Variants in ANO4 observed in about 807,000 individuals in gnomAD.
ANO4 encodes the protein anoctamin-4.
In ANO4, 69 loss-of-function variants were observed where a neutral mutation model predicts 141.9. The observed-to-expected ratio is 0.49, with a 90% confidence interval of 0.40 to 0.59. ANO4 has a LOEUF of 0.59. ANO4 is among the 20% of genes least tolerant of loss of function. ANO4 has a pLI of 0.00. For missense variants in ANO4, 894 were observed against 1,162.2 expected (o/e 0.77, Z 3.36); for synonymous variants, 350 against 394.3 (o/e 0.89, Z 1.33).
Position 100,902,768 on chromosome 12 carries a change from T to C in ANO4, c.55+928T>C, listed in dbSNP as rs188443917. Among the ~76,000 whole-genome samples, 105 of 152,334 alleles carry C rather than the reference T, an allele frequency of 6.9e-4. 1 individual carries two copies. The East Asian group carries it at 0.016, about 24-fold the overall frequency. On this transcript the variant is annotated intron_variant, in intron 2 of 27. Transcript: ENST00000392977. Reference sequence around the variant, plus strand: ...AGGTCCCTTATCCTCTCTCTTCAAATGTATTGCTCTTTATGCATCATTCCC... The same window carrying C: ...AGGTCCCTTATCCTCTCTCTTCAAACGTATTGCTCTTTATGCATCATTCCC...
chr12:101,086,512 A>G, intron 16 of ANO4, 148 bp from the exon 17 acceptor site: 2 of 811,720 alleles, frequency 2.5e-6, no homozygotes, highest in Non-Finnish European at 3.9e-6. Flanking sequence ...ATTAACCACA[A>G]TGAAAAGTAT....
intron 22 of ANO4, among the ~76,000 whole-genome samples, chr12:101,102,182 G>A (rs146579018): frequency 2.5e-3 from 376 of 152,106 alleles, no homozygotes; most frequent in East Asian, 5.2e-3. Flanking sequence ...ATACCTTTAC[G>A]GCATTTTTGT....
intron 1 of ANO4, among the ~76,000 whole-genome samples, chr12:100,801,744 G>C (rs2034707189): frequency 6.6e-6 from 1 of 150,900 alleles, no homozygotes; most frequent in Non-Finnish European, 1.5e-5. Context: ...TGGAGCAGGG[G>C]CTGGGGGGTG....
chr12:100,727,035 C>T (rs1427250619), intron 1 of ANO4, among the ~76,000 whole-genome samples: 3 of 144,162 alleles, frequency 2.1e-5, no homozygotes, highest in Non-Finnish European at 3.0e-5. Context: ...AAAAACATGG[C>T]CTGTAATGAT....
At chr12:100,941,906 C>T (rs1052369546) in intron 4 of ANO4, among the ~76,000 whole-genome samples, 1 of 150,820 alleles carries the variant, frequency 6.6e-6, no homozygotes, top group Admixed American at 6.6e-5. Flanking sequence ...ATTTTGTTTC[C>T]TCTTGATTAC....
intron 1 of ANO4, among the ~76,000 whole-genome samples, chr12:100,835,066 T>TGGTCTATTGTCTAAGAG (rs2036835267): frequency 6.6e-6 from 1 of 152,078 alleles, no homozygotes; most frequent in South Asian, 2.1e-4. Context: ...CCAATGGCCT[T>TGGTCTATTGTCTAAGAG]GTGGTCTAAG....
chr12:100,843,488 G>T (rs997267737), intron 1 of ANO4, among the ~76,000 whole-genome samples: 1 of 151,888 alleles, frequency 6.6e-6, no homozygotes, highest in Non-Finnish European at 1.5e-5. Flanking sequence ...TCAACTTCTC[G>T]CCCCAAACTT....
chr12:101,100,987 G>A (rs1428470080), intron 22 of ANO4, among the ~76,000 whole-genome samples: 2 of 152,174 alleles, frequency 1.3e-5, no homozygotes, highest in Non-Finnish European at 2.9e-5. Flanking sequence ...TGTAAATAAA[G>A]TTTTATTGGA....
chr12:100,808,881 A>G (rs1323371421), intron 1 of ANO4, among the ~76,000 whole-genome samples: 1 of 152,218 alleles, frequency 6.6e-6, no homozygotes, highest in African/African-American at 2.4e-5. Flanking sequence ...TGTTTTTCAC[A>G]CCCACAAATT....
At chr12:100,964,168 T>C (rs1270681637) in intron 5 of ANO4, among the ~76,000 whole-genome samples, 2 of 152,194 alleles carry the variant, frequency 1.3e-5, no homozygotes, top group African/African-American at 4.8e-5. Context: ...ATTGAGTTCA[T>C]GAGCAAATAC....
rs76606776 is a variant in ANO4 at position 100,903,377 on chromosome 12, C to T, written c.55+1537C>T. ...CCTCCTCTTGCCTCCTTTCCCAGTA[C>T]GTACCAAATCCAGAATGATTCATCT... On this transcript the variant is annotated intron_variant, in intron 2 of 27. Transcript: ENST00000392977. 6.8e-4 allele frequency among the ~76,000 whole-genome samples: 104 copies of T among 152,280 alleles called. 1 individual carries two copies. The East Asian group carries it at 0.016, about 23-fold the overall frequency.
intron 1 of ANO4, among the ~76,000 whole-genome samples, chr12:100,732,135 A>G (rs2031404928): frequency 6.6e-6 from 1 of 152,192 alleles, no homozygotes; most frequent in African/African-American, 2.4e-5. Context: ...ATGGTATGGT[A>G]AGAGTATGTT....
chr12:100,773,351 G>A (rs1206758190), intron 3 of ANO4, among the ~76,000 whole-genome samples: 1 of 152,200 alleles, frequency 6.6e-6, no homozygotes, highest in Non-Finnish European at 1.5e-5. Flanking sequence ...GACTCAGAGT[G>A]TCCTAGATAT....
intron 3 of ANO4, among the ~76,000 whole-genome samples, chr12:100,762,786 C>T (rs766620250): frequency 2.6e-5 from 4 of 152,152 alleles, no homozygotes; most frequent in Non-Finnish European, 5.9e-5. Flanking sequence ...TGCCATGCCT[C>T]GTCTGTGGAC....
At chr12:100,784,328 C>G (rs1407922480) in intron 3 of ANO4, among the ~76,000 whole-genome samples, 1 of 152,110 alleles carries the variant, frequency 6.6e-6, no homozygotes, top group Non-Finnish European at 1.5e-5. Context: ...CTAACTACAC[C>G]CAGAACACCC....
At chr12:101,080,947 A>G (rs1198221561) in intron 15 of ANO4, among the ~76,000 whole-genome samples, 2 of 137,818 alleles carry the variant, frequency 1.5e-5, no homozygotes, top group Non-Finnish European at 1.6e-5. Flanking sequence ...CAAGTGGCCA[A>G]TTTTCAAACA....
chr12:100,990,037 A>G (rs1214633457), intron 8 of ANO4, among the ~76,000 whole-genome samples: 1 of 152,138 alleles, frequency 6.6e-6, no homozygotes, highest in African/African-American at 2.4e-5. Flanking sequence ...AGATGGATGA[A>G]TAGATACATG....
intron 3 of ANO4, among the ~76,000 whole-genome samples, chr12:100,747,878 GCAAA>G (rs911115922): frequency 2.0e-5 from 3 of 152,120 alleles, no homozygotes; most frequent in South Asian, 2.1e-4. Context: ...TGTCTTAAAA[GCAAA>G]CAAACAAACA....
intron 14 of ANO4, among the ~76,000 whole-genome samples, chr12:101,064,520 G>C (rs184410253): frequency 1.0e-3 from 157 of 152,212 alleles, no homozygotes; most frequent in African/African-American, 3.4e-3. Flanking sequence ...CTGTTGATGG[G>C]TGGGAGGCTA....
Sources: allele counts gnomAD v4.1 joint callset (sites outside exome capture counted in the v4.1 genomes callset), GRCh38; gene constraint gnomAD v4.1.1; transcripts MANE v1.5; gene names NCBI Gene and HGNC (gene_info 2026-07-23, HGNC 2026-07-21).